Variants in GPR161 observed in about 807,000 individuals in gnomAD.
GPR161 encodes G-protein coupled receptor RE2.
In GPR161, 25 loss-of-function variants were observed where a neutral mutation model predicts 39.2. The ratio of observed to expected loss-of-function variants is 0.64; its 90% confidence interval spans 0.47 to 0.89. The LOEUF (loss-of-function observed/expected upper bound fraction) is 0.89. Ranked by LOEUF, GPR161 falls within the 40% of genes least tolerant of loss-of-function variation. The pLI is 0.00. For synonymous variants in GPR161, 286 were observed against 276.6 expected, an observed-to-expected ratio of 1.03 and a Z score of -0.34; for missense variants, 547 against 677.8, an observed-to-expected ratio of 0.81 and a Z score of 2.14.
chr1:168,136,849 G>A lies in GPR161; in HGVS notation c.-155C>T, dbSNP rs980726149. 1.0e-6 allele frequency: 1 copy of A among 983,210 alleles called. No individual in the cohort carries two copies. Among genetic ancestry groups the A allele is most frequent in the African/African-American group, 1.8e-5 (1 of 56,704 alleles). 60.9% of individuals were successfully genotyped at this position (983,210 alleles called of 1,614,324 possible). A position where few individuals can be genotyped will look rare whatever the true frequency, so the allele number is the denominator to read the frequency against. Reference sequence around the variant, plus strand: ...GCCGCGCTCCGGGACTGGAGGTTTCGGGTTTCAGCCCACCGAGCCCCGCTT... The same window carrying A: ...GCCGCGCTCCGGGACTGGAGGTTTCAGGTTTCAGCCCACCGAGCCCCGCTT... On this transcript the variant is annotated 5_prime_UTR_variant, in exon 1 of 6. Transcript: ENST00000682931.
chr1:168,093,166 G>C lies in GPR161; in HGVS notation c.1100-2498C>G, dbSNP rs551758915. Among the ~76,000 whole-genome samples, 3 of 152,246 alleles carry C rather than the reference G, an allele frequency of 2.0e-5. No homozygotes were observed. In the East Asian group the frequency reaches 5.8e-4, roughly 29 times the overall value. On this transcript the variant is annotated intron_variant, in intron 3 of 5. Transcript: ENST00000682931. ...GGTAGCATTTAGCAATGTCCATGCAGGGCTGACCTATCTGCCACATGGTGG... is the reference window on the plus strand; with the variant it reads ...GGTAGCATTTAGCAATGTCCATGCACGGCTGACCTATCTGCCACATGGTGG...
chr1:168,125,915 C>G (rs1211067453), intron 1 of GPR161, among the ~76,000 whole-genome samples: 1 of 152,166 alleles, frequency 6.6e-6, no homozygotes, highest in Admixed American at 6.5e-5. Context: ...CGCACCCGGC[C>G]CTATTTTTAT....
chr1:168,095,624 A>G lies in GPR161; in HGVS notation c.1099+884T>C, dbSNP rs1393678087. On this transcript the variant is annotated intron_variant, in intron 3 of 5. Coordinates refer to ENST00000682931, the MANE Select transcript of GPR161 (RefSeq NM_001375883.1). ...GTACAAGGCCATGATGCTTCGATGG[A>G]AGGCTGAGGTTTGGCATGGACACCC... 3.9e-5 allele frequency among the ~76,000 whole-genome samples: 6 copies of G among 152,248 alleles called. No homozygotes were observed. The East Asian group carries it at 9.7e-4, about 25-fold the overall frequency.
rs150540782 is a variant in GPR161, at chr1:168,129,460, A to G, written c.-45+7279T>C. On this transcript the variant is annotated intron_variant, in intron 1 of 5. Coordinates refer to ENST00000682931, the MANE Select transcript of GPR161 (RefSeq NM_001375883.1). Reference sequence around the variant, plus strand: ...CACTGGAGAGACATGACTGACTTACACTTTCAAGAGGTCACTGTGCCTGCT... The same window carrying G: ...CACTGGAGAGACATGACTGACTTACGCTTTCAAGAGGTCACTGTGCCTGCT... Among the ~76,000 whole-genome samples the G allele has an allele frequency of 9.9e-4, 150 of 152,226 alleles. 1 individual carries two copies. In the South Asian group the frequency reaches 0.018, roughly 18 times the overall value.
intron 1 of GPR161, among the ~76,000 whole-genome samples, chr1:168,119,287 T>C (rs58724620): frequency 0.036 from 4,937 of 135,894 alleles, 721 homozygotes; most frequent in African/African-American, 0.14. Flanking sequence ...TATATATATA[T>C]ACACATATAT....
chr1:168,082,330 T>G lies in GPR161; in HGVS notation c.*3201A>C, dbSNP rs1694134203. The G allele has an allele frequency of 6.6e-6, 1 of 152,204 alleles. No individual in the cohort carries two copies. The highest frequency in any genetic ancestry group is 2.4e-5 in the African/African-American group (1 of 41,444). The allele number at this position is 152,204 out of a possible 1,614,324, so 9.4% of individuals were successfully genotyped here. A position where few individuals can be genotyped will look rare whatever the true frequency, so the allele number is the denominator to read the frequency against. On this transcript the variant is annotated 3_prime_UTR_variant, in exon 6 of 6. Transcript: ENST00000682931. ...AGGTGGTCCTTGGTCACCAAGGCCG[T>G]GGACTACACGATAAGGGCAAAGGAA...
At position 168,081,119 on chromosome 1, in the gene GPR161, C is replaced by T. The variant is rs1694043523; in HGVS notation, c.*4412G>A. The stretch of plus-strand genomic sequence containing the variant: ...CCTCAGGTGATCTGCCCATCTCGAC[C>T]CCCCAAAGTGCTGGGATTACAGGCG... On this transcript the variant is annotated 3_prime_UTR_variant, in exon 6 of 6. Coordinates refer to ENST00000682931, the MANE Select transcript of GPR161 (RefSeq NM_001375883.1). 1.3e-5 allele frequency: 2 copies of T among 152,170 alleles called. No homozygotes were observed. Among genetic ancestry groups the T allele is most frequent in the African/African-American group, 2.4e-5 (1 of 41,418 alleles). 9.4% of individuals were successfully genotyped at this position (152,170 alleles called of 1,614,324 possible).
At chr1:168,087,540 C>T (rs759988141) in intron 5 of GPR161, 45 bp downstream of exon 5, 2 of 1,610,004 alleles carry the variant, frequency 1.2e-6, no homozygotes, top group African/African-American at 1.3e-5. Context: ...AAGATCCTTT[C>T]CGTTTCCCTA....
rs1443994898 is a variant in GPR161 at position 168,136,765 on chromosome 1, G to C, written c.-71C>G. 1 of 990,568 alleles carries C rather than the reference G, an allele frequency of 1.0e-6. No individual in the cohort carries two copies. The highest frequency in any genetic ancestry group is 1.2e-6 in the Non-Finnish European group (1 of 833,960). 61.4% of individuals were successfully genotyped at this position (990,568 alleles called of 1,614,324 possible). A position where few individuals can be genotyped will look rare whatever the true frequency, so the allele number is the denominator to read the frequency against. On this transcript the variant is annotated 5_prime_UTR_variant, in exon 1 of 6. Coordinates refer to ENST00000682931, the MANE Select transcript of GPR161 (RefSeq NM_001375883.1). Reference sequence around the variant, plus strand: ...GAGGAGCGGCCGCCGCGGCAGCTCAGGCCCCGGCCCAGCCGCCTCCCCGCC... The same window carrying C: ...GAGGAGCGGCCGCCGCGGCAGCTCACGCCCCGGCCCAGCCGCCTCCCCGCC...
chr1:168,093,504 T>C (rs1407131026), intron 3 of GPR161, among the ~76,000 whole-genome samples: 2 of 152,262 alleles, frequency 1.3e-5, no homozygotes, highest in East Asian at 1.9e-4. Context: ...TTTGCTCATA[T>C]GCACTGCTTT....
intron 1 of GPR161, among the ~76,000 whole-genome samples, chr1:168,108,486 T>TAAAAAGAAAAAAAA (rs1696824594): frequency 5.7e-5 from 1 of 17,478 alleles, no homozygotes; most frequent in Non-Finnish European, 8.8e-5. Flanking sequence ...GCCCTAGTTG[T>TAAAAAGAAAAAAAA]AAAAAAAAAA....
intron 1 of GPR161, among the ~76,000 whole-genome samples, chr1:168,105,734 G>A (rs952956152): frequency 6.6e-6 from 1 of 152,178 alleles, no homozygotes; most frequent in Non-Finnish European, 1.5e-5. Flanking sequence ...TGGGATCTTG[G>A]CTAAAGCCGC....
chr1:168,120,291 C>T (rs1698060558), intron 1 of GPR161, among the ~76,000 whole-genome samples: 1 of 152,146 alleles, frequency 6.6e-6, no homozygotes, highest in Non-Finnish European at 1.5e-5. Flanking sequence ...TAATGACTGC[C>T]CAGCTGGGTT....
upstream of GPR161, chr1:168,137,017 G>GGC: frequency 2.2e-6 from 1 of 464,580 alleles, no homozygotes; most frequent in Non-Finnish European, 2.5e-6. Context: ...GCCTCCCCGC[G>GGC]CCCCGCACTG....
At chr1:168,134,839 C>A in intron 1 of GPR161, 1 of 1,420,254 alleles carries the variant, frequency 7.0e-7, no homozygotes. Flanking sequence ...CCTGTCCACC[C>A]GCCTCCTGCA....
intron 5 of GPR161, among the ~76,000 whole-genome samples, chr1:168,086,210 A>T (rs1025966108): frequency 6.6e-6 from 1 of 152,104 alleles, no homozygotes; most frequent in Non-Finnish European, 1.5e-5. Context: ...AAGCAGTGTA[A>T]CAAAACTTCC....
At chr1:168,109,665 G>A (rs1310463369) in intron 1 of GPR161, among the ~76,000 whole-genome samples, 1 of 152,212 alleles carries the variant, frequency 6.6e-6, no homozygotes, top group East Asian at 1.9e-4. Context: ...GCTAATGAGG[G>A]TTCTAAATTT....
intron 1 of GPR161, 162 bp from the exon 2 acceptor site, chr1:168,105,056 G>T (rs900743756): frequency 5.1e-6 from 3 of 593,734 alleles, no homozygotes; most frequent in African/African-American, 3.7e-5. Context: ...CTACATAAGT[G>T]GGCCATTTTC....
chr1:168,104,655 C>A lies in GPR161; in HGVS notation c.196G>T (p.Val66Phe). 1 of 1,614,040 alleles carries A rather than the reference C, an allele frequency of 6.2e-7. No individual in the cohort carries two copies. Among genetic ancestry groups the A allele is most frequent in the Non-Finnish European group, 8.5e-7 (1 of 1,179,936 alleles). ...AAGTTGGACAGAGTCAGGCTGAAGA[C>A]GAACTTGTTGCTGAGGGTGAGGAGG... is the stretch of plus-strand genomic sequence containing the variant. ...SYLLTLSNKF[V>F]FSLTLSNFLL... Residue 66 changes from valine (V) to phenylalanine (F), a missense_variant, in exon 2 of 6, where the codon GTC becomes TTC. By Grantham distance (50) the Val-to-Phe change is conservative. Coordinates refer to ENST00000682931, the MANE Select transcript of GPR161 (RefSeq NM_001375883.1).
Sources: allele counts gnomAD v4.1 joint callset (sites outside exome capture counted in the v4.1 genomes callset), GRCh38; gene constraint gnomAD v4.1.1; transcripts MANE v1.5; gene names NCBI Gene and HGNC (gene_info 2026-07-23, HGNC 2026-07-21).